GFAP: variants seen among roughly 807,000 people sequenced by gnomAD.
GFAP encodes intermediate filament protein.
Under a neutral mutation model 49.3 loss-of-function variants are expected in GFAP, and 38 were observed. The ratio of observed to expected loss-of-function variants is 0.77; its 90% CI spans 0.60 to 1.01. GFAP has a LOEUF of 1.01. GFAP is among the 50% of genes least tolerant of loss of function. The pLI is 0.00. For missense variants in GFAP, 463 were observed against 579.1 expected (o/e 0.80, Z 2.06); for synonymous variants, 222 against 236.4 (o/e 0.94, Z 0.56).
At position 44,904,720 on chromosome 17, in the gene GFAP, A is replaced by G. The variant is rs868304142; in HGVS notation, c.*2627T>C. ...GTCCTGGGGCCCGGCCAGAGCATGC[A>G]GTGGCCTGGGACAAAGACCGCCAGC... On this transcript the variant is annotated 3_prime_UTR_variant, in exon 9 of 9. Coordinates refer to ENST00000588735, the MANE Select transcript of GFAP (RefSeq NM_002055.5). 8.8e-5 allele frequency: 137 copies of G among 1,550,576 alleles called. No homozygotes were observed. The Middle Eastern group carries it at 1.2e-3, about 13-fold the overall frequency.
chr17:44,914,757 G>C (rs956469489), intron 1 of GFAP: 1 of 528,724 alleles, frequency 1.9e-6, no homozygotes, highest in Admixed American at 3.3e-5. Flanking sequence ...CAGGGGCCCC[G>C]CTGCTCCTGC....
Position 44,914,096 on chromosome 17 carries a change from G to T in GFAP, c.462-8C>A, listed in dbSNP as rs371492346. 30 of 1,546,568 alleles carry T rather than the reference G, an allele frequency of 1.9e-5. No individual in the cohort carries two copies. The East Asian group carries it at 5.6e-4, about 29-fold the overall frequency. On this transcript the variant is annotated splice_region_variant and splice_polypyrimidine_tract_variant and intron_variant, in intron 1 of 8. Transcript: ENST00000588735. Reference sequence around the variant, plus strand: ...TTGGTTTCATCCTGGAGCCTGGAGTGGGGGGACACATTCCTGGGTCCAGGC... The same window carrying T: ...TTGGTTTCATCCTGGAGCCTGGAGTTGGGGGACACATTCCTGGGTCCAGGC...
rs1290589640 is a variant in GFAP, at chr17:44,904,337, A to C, written c.*3010T>G. On this transcript the variant is annotated 3_prime_UTR_variant, in exon 9 of 9. Coordinates refer to ENST00000588735, the MANE Select transcript of GFAP (RefSeq NM_002055.5). ...ATACTATGGGCACCTCCATGTCTTC[A>C]CCACCTTCTGGGAATGGACCCCCTG... 2 of 1,542,104 alleles carry C rather than the reference A, an allele frequency of 1.3e-6. No individual in the cohort carries two copies. The highest frequency in any genetic ancestry group is 1.8e-6 in the Non-Finnish European group (2 of 1,141,926).
intron 5 of GFAP, 22 bp from the exon 6 acceptor site, chr17:44,911,478 T>C: frequency 1.3e-6 from 2 of 1,584,480 alleles, no homozygotes; most frequent in Non-Finnish European, 1.7e-6. Context: ...AGCCGGCCGG[T>C]CCCGCGGAGC....
At chr17:44,910,425 G>A (rs1257884239) in intron 7 of GFAP, 190 bp downstream of exon 7, 1 of 1,587,950 alleles carries the variant, frequency 6.3e-7, no homozygotes, top group Non-Finnish European at 8.6e-7. Context: ...GACAGGGGCA[G>A]CTGCAAGCCC....
chr17:44,915,466 G>A lies in GFAP; in HGVS notation c.21C>T (p.Thr7=). ...AGACGTAGGAGCGGCGAGCAGCGGA[G>A]GTGATGCGTCTCCTCTCCATCCTGC... is the stretch of plus-strand genomic sequence containing the variant. The part of the protein sequence containing the change: MERRRI[T]SAARRSYVSS... The change falls in exon 1 of 9, where the codon ACC becomes ACT. Residue 7 remains threonine, a synonymous_variant. Transcript: ENST00000588735. The surrounding 1 kb of genome is among the most constrained non-coding windows in gnomAD (Gnocchi z 4.1). The A allele has an allele frequency of 2.5e-6, 4 of 1,592,638 alleles. No individual in the cohort carries two copies. The highest frequency in any genetic ancestry group is 1.1e-5 in the South Asian group (1 of 88,760).
At chr17:44,911,975 C>G (rs1305896306) in intron 4 of GFAP, among the ~76,000 whole-genome samples, 178 bp from the exon 5 acceptor site, 1 of 152,188 alleles carries the variant, frequency 6.6e-6, no homozygotes, top group East Asian at 1.9e-4. Flanking sequence ...GACCTCAGCA[C>G]CTAGCACAAC....
rs544659197 is a variant in GFAP at position 44,904,666 on chromosome 17, G to A, written c.*2681C>T. 4.9e-5 allele frequency: 76 copies of A among 1,550,576 alleles called. No individual in the cohort carries two copies. The East Asian group carries it at 1.8e-3, about 37-fold the overall frequency. ...AGGTGCCCATTCAGTTCCACCAGCA[G>A]AGACTGGGCCATGGACTCATCATCT... On this transcript the variant is annotated 3_prime_UTR_variant, in exon 9 of 9. Transcript: ENST00000588735.
Position 44,903,366 on chromosome 17 carries a change from C to T in GFAP, c.*3981G>A. The T allele has an allele frequency of 8.0e-7, 1 of 1,249,436 alleles. No homozygotes were observed. Among genetic ancestry groups the T allele is most frequent in the Non-Finnish European group, 1.0e-6 (1 of 998,262 alleles). The allele number at this position is 1,249,436 out of a possible 1,614,324, so 77.4% of individuals were successfully genotyped here. ...AAGTCCCAAGCCATCAGCTCAGGTCCAGCCAGCCTCCCGGATGGCCAGATA... is the reference window on the plus strand; with the variant it reads ...AAGTCCCAAGCCATCAGCTCAGGTCTAGCCAGCCTCCCGGATGGCCAGATA... On this transcript the variant is annotated 3_prime_UTR_variant, in exon 9 of 9. Coordinates refer to ENST00000588735, the MANE Select transcript of GFAP (RefSeq NM_002055.5).
intron 8 of GFAP, 64 bp from the exon 9 acceptor site, chr17:44,907,452 C>T (rs141927686): frequency 3.4e-6 from 4 of 1,159,910 alleles, no homozygotes; most frequent in African/African-American, 3.0e-5. Context: ...CCAGGTCCAC[C>T]ACCACGAGGC....
At chr17:44,912,995 C>CCTATT in intron 4 of GFAP, 1 of 486,414 alleles carries the variant, frequency 2.1e-6, no homozygotes, top group Admixed American at 3.3e-5. Context: ...ACAGCACCTA[C>CCTATT]TTCATAGTAA....
At chr17:44,908,882 A>T (rs2051696865) in intron 7 of GFAP, 1 of 151,430 alleles carries the variant, frequency 6.6e-6, no homozygotes, top group East Asian at 1.9e-4. Context: ...CAAGCAAGCA[A>T]GCAAGCAGGA....
chr17:44,913,930 G>A, intron 2 of GFAP, 98 bp downstream of exon 2: 1 of 1,302,576 alleles, frequency 7.7e-7, no homozygotes, highest in Non-Finnish European at 1.1e-6. Flanking sequence ...GTGGGGAGCA[G>A]CACATTGCTC....
At chr17:44,910,873 A>G (rs2051747055) in intron 6 of GFAP, 4 of 649,672 alleles carry the variant, frequency 6.2e-6, no homozygotes. Flanking sequence ...GCGCATGTCT[A>G]TCTGAAGGAA....
rs558127120 is a variant in GFAP at position 44,906,725 on chromosome 17, C to T, written c.*622G>A. On this transcript the variant is annotated 3_prime_UTR_variant, in exon 9 of 9. Coordinates refer to ENST00000588735, the MANE Select transcript of GFAP (RefSeq NM_002055.5). ...CAACCCTCTGAGCTGGGCATGGTGG[C>T]TCCAATCTATAATCCCAGCTACACA... 8 of 169,286 alleles carry T rather than the reference C, an allele frequency of 4.7e-5. No homozygotes were observed. Among genetic ancestry groups the T allele is most frequent in the Non-Finnish European group, 1.0e-4 (8 of 77,780 alleles). The allele number at this position is 169,286 out of a possible 1,614,324, so 10.5% of individuals were successfully genotyped here.
chr17:44,905,098 T>A lies in GFAP; in HGVS notation c.*2249A>T. ...AGCTCTCTTCAGCTCTGAAGACCAG[T>A]TGTCCTTCAATGTGTTTGTTAAATG... On this transcript the variant is annotated 3_prime_UTR_variant, in exon 9 of 9. Coordinates refer to ENST00000588735, the MANE Select transcript of GFAP (RefSeq NM_002055.5). The A allele has an allele frequency of 6.7e-7, 1 of 1,484,560 alleles. No homozygotes were observed. Among genetic ancestry groups the A allele is most frequent in the Non-Finnish European group, 9.1e-7 (1 of 1,101,840 alleles). 92.0% of individuals were successfully genotyped at this position (1,484,560 alleles called of 1,614,324 possible). A position where few individuals can be genotyped will look rare whatever the true frequency, so the allele number is the denominator to read the frequency against.
rs371685579 is a variant in GFAP at position 44,910,571 on chromosome 17, G to C, written c.1171+44C>G. 1.2e-5 allele frequency: 19 copies of C among 1,558,694 alleles called. No individual in the cohort carries two copies. In the Admixed American group the frequency reaches 2.2e-4, roughly 18 times the overall value. ...GCAACCTACAGGCCCTGGAGGAGGG[G>C]GCAGGACTCCAGTGCCCTTCCCACG... On this transcript the variant is annotated intron_variant, in intron 7 of 8. Coordinates refer to ENST00000588735, the MANE Select transcript of GFAP (RefSeq NM_002055.5).
At chr17:44,914,256 G>A (rs2051853270) in intron 1 of GFAP, 168 bp from the exon 2 acceptor site, 1 of 609,248 alleles carries the variant, frequency 1.6e-6, no homozygotes, top group African/African-American at 1.8e-5. Context: ...TTGTCTGGAG[G>A]ATGAGCAGAT....
chr17:44,911,914 CT>C, intron 4 of GFAP, 117 bp from the exon 5 acceptor site: 1 of 1,189,902 alleles, frequency 8.4e-7, no homozygotes, highest in East Asian at 2.4e-5. Context: ...CTGGCTGGGA[CT>C]TTTCCCAACA....
Sources: gnomAD v4.1 joint callset for allele counts (sites outside exome capture counted in the v4.1 genomes callset) on GRCh38, gnomAD v4.1.1 for gene constraint, Gnocchi (gnomAD v3.1) non-coding constraint, MANE v1.5 for transcripts, NCBI Gene and HGNC (gene_info 2026-07-23, HGNC 2026-07-21) for gene names.